The following ZNF682 variants were observed in gnomAD, a reference collection of about 807,000 sequenced individuals.
ZNF682 encodes the protein zinc finger protein 682.
A neutral mutation model predicts 36.5 loss-of-function variants in ZNF682; 29 were observed. That is an observed-to-expected ratio of 0.80 (90% CI 0.59 to 1.08). ZNF682 has a LOEUF of 1.08. Among genes scored for constraint, ZNF682 ranks in the 50% least tolerant of loss-of-function variants. The probability of loss-of-function intolerance (pLI) is 0.00; values close to 1 mark genes in which losing one functional copy is unlikely to be tolerated. For synonymous variants in ZNF682, 180 were observed against 197.0 expected (o/e 0.91, Z 0.72); for missense variants, 561 against 579.7 (o/e 0.97, Z 0.33).
chr19:20,023,850 T>C lies in ZNF682; in HGVS notation c.130+400A>G, dbSNP rs540954686. On this transcript the variant is annotated intron_variant, in intron 2 of 3. Transcript: ENST00000397165. ...TACAAAAATTAGCTGGCCGTGGTGG[T>C]GGGCACCTGTAGTCCCAGCTACTCA... Among the ~76,000 whole-genome samples, 241 of 151,942 alleles carry C rather than the reference T, an allele frequency of 1.6e-3. 3 individuals carry two copies. Among genetic ancestry groups the C allele is most frequent in the South Asian group, 0.013 (62 of 4,798 alleles).
chr19:20,018,672 C>G (rs2088359056), intron 3 of ZNF682, among the ~76,000 whole-genome samples: 2 of 151,862 alleles, frequency 1.3e-5, no homozygotes, highest in African/African-American at 2.4e-5. Context: ...TGAGTATCTA[C>G]ATGAAAAAAA....
At chr19:19,998,045 C>A (rs970298037) in intron 3 of ZNF682, among the ~76,000 whole-genome samples, 7 of 152,268 alleles carry the variant, frequency 4.6e-5, no homozygotes, top group Middle Eastern at 3.4e-3. Flanking sequence ...GCCAGTCTTT[C>A]CCTTACACTC....
At chr19:20,000,553 A>G (rs760911452), downstream of ZNF682, among the ~76,000 whole-genome samples, 3 of 152,138 alleles carry the variant, frequency 2.0e-5, no homozygotes, top group African/African-American at 7.2e-5. Flanking sequence ...TTCTTCCTGG[A>G]CAGAACCAGG....
chr19:20,012,074 C>T (rs2088293992), intron 3 of ZNF682, among the ~76,000 whole-genome samples: 1 of 151,820 alleles, frequency 6.6e-6, no homozygotes, highest in Non-Finnish European at 1.5e-5. Flanking sequence ...GTAACAAAAC[C>T]TTGGAATGTG....
chr19:20,028,615 G>A (rs542199733), intron 1 of ZNF682, among the ~76,000 whole-genome samples: 60 of 152,206 alleles, frequency 3.9e-4, no homozygotes, highest in Admixed American at 3.9e-3. Flanking sequence ...TAGACAAAGC[G>A]CCACAGCACA....
rs530531525 is a variant in ZNF682, at chr19:20,005,858, G to A, written c.*147C>T. ...TTTTCTTCTGTGCAATAAGCTGTCA[G>A]CAATGGTTGAAGACTTTCCCCACAT... On this transcript the variant is annotated 3_prime_UTR_variant, in exon 4 of 4. Coordinates refer to ENST00000397165, the MANE Select transcript of ZNF682 (RefSeq NM_033196.3). The A allele has an allele frequency of 1.1e-3, 864 of 792,978 alleles. 1 individual carries two copies. The highest frequency in any genetic ancestry group is 1.5e-3 in the Non-Finnish European group (774 of 515,552). The allele number at this position is 792,978 out of a possible 1,614,324, so 49.1% of individuals were successfully genotyped here.
intron 3 of ZNF682, among the ~76,000 whole-genome samples, chr19:20,008,485 G>A (rs1046401934): frequency 6.6e-6 from 1 of 152,192 alleles, no homozygotes; most frequent in African/African-American, 2.4e-5. Flanking sequence ...TGCAATACTG[G>A]TTGCAAACCC....
chr19:19,999,015 G>C (rs2088145610), intron 3 of ZNF682, among the ~76,000 whole-genome samples: 1 of 151,990 alleles, frequency 6.6e-6, no homozygotes. Context: ...CCTGAAGGTG[G>C]GGTCCTCATG....
chr19:20,011,910 G>A (rs557447877), intron 3 of ZNF682, among the ~76,000 whole-genome samples: 12 of 152,104 alleles, frequency 7.9e-5, no homozygotes, highest in Middle Eastern at 3.4e-3. Context: ...GGTGGCAGGC[G>A]CCTGTAATCC....
intron 2 of ZNF682, 135 bp from the exon 3 acceptor site, chr19:20,023,234 C>T (rs2088402730): frequency 2.7e-6 from 2 of 734,574 alleles, no homozygotes; most frequent in South Asian, 2.7e-5. Flanking sequence ...CGCGTTGGCT[C>T]ATACCTGTAA....
chr19:19,998,941 C>T (rs2088145170), intron 3 of ZNF682, among the ~76,000 whole-genome samples: 1 of 152,004 alleles, frequency 6.6e-6, no homozygotes, highest in Admixed American at 6.6e-5. Flanking sequence ...ATTTCTCCCC[C>T]TATATTTGCG....
chr19:20,033,316 G>A (rs1425209523), intron 1 of ZNF682: 1 of 152,240 alleles, frequency 6.6e-6, no homozygotes, highest in African/African-American at 2.4e-5. Flanking sequence ...CTATGTTCTT[G>A]GCTATTTATA....
At chr19:20,019,308 G>T (rs1019168996) in intron 3 of ZNF682, among the ~76,000 whole-genome samples, 4 of 152,112 alleles carry the variant, frequency 2.6e-5, no homozygotes, top group Non-Finnish European at 5.9e-5. Flanking sequence ...AGGCAAAAAT[G>T]ATGCAACTAC....
intron 3 of ZNF682, among the ~76,000 whole-genome samples, chr19:19,999,322 GAAACA>G (rs955599597): frequency 3.9e-5 from 6 of 152,148 alleles, no homozygotes; most frequent in Non-Finnish European, 8.8e-5. Flanking sequence ...CCAAAGTGTT[GAAACA>G]AAACAAAACA....
At chr19:20,032,227 A>G in intron 1 of ZNF682, among the ~76,000 whole-genome samples, 1 of 152,342 alleles carries the variant, frequency 6.6e-6, no homozygotes, top group African/African-American at 2.4e-5. Flanking sequence ...AGGTATGGGA[A>G]AGTAGCAGGT....
Position 20,006,512 on chromosome 19 carries a change from T to C in ZNF682, c.990A>G (p.Ile330Met). The C allele has an allele frequency of 6.2e-6, 10 of 1,614,146 alleles. No homozygotes were observed. In the Admixed American group the frequency reaches 1.0e-4, roughly 16 times the overall value. ...TCTCTCCCGTATGGGTTCTCTCATG[T>C]ATAGTAAGTAGTGAGCAGTGGTTAA... is the stretch of plus-strand genomic sequence containing the variant. The part of the protein sequence containing the change: ...KAFNHCSLLT[I>M]HERTHTGEKP... The change falls in exon 4 of 4, where the codon ATA (isoleucine) becomes ATG (methionine). Residue 330 changes from isoleucine to methionine, a missense_variant. Ile to Met is a conservative substitution (Grantham distance 10). Transcript: ENST00000397165.
intron 3 of ZNF682, among the ~76,000 whole-genome samples, chr19:20,018,078 C>CTTTTTTTTTTTT (rs71172554): frequency 1.7e-5 from 1 of 58,678 alleles, no homozygotes; most frequent in Non-Finnish European, 2.9e-5. Flanking sequence ...TTCTCAAATT[C>CTTTTTTTTTTTT]TTTTTTTTTT....
chr19:20,013,504 A>T (rs1268214677), intron 3 of ZNF682, among the ~76,000 whole-genome samples: 1 of 152,216 alleles, frequency 6.6e-6, no homozygotes, highest in Admixed American at 6.5e-5. Context: ...AGCAGAATAC[A>T]CAGTCTTCTC....
chr19:20,010,029 A>C (rs950796400), intron 3 of ZNF682, among the ~76,000 whole-genome samples: 7 of 151,888 alleles, frequency 4.6e-5, no homozygotes, highest in Non-Finnish European at 8.8e-5. Flanking sequence ...CAACAACAAC[A>C]AAAAAAGAGA....
Sources: gnomAD v4.1 joint callset for allele counts (sites outside exome capture counted in the v4.1 genomes callset) on GRCh38, gnomAD v4.1.1 for gene constraint, MANE v1.5 for transcripts, NCBI Gene and HGNC (gene_info 2026-07-23, HGNC 2026-07-21) for gene names.